Variants in NAP1L4 observed in about 807,000 individuals in gnomAD.
NAP1L4 encodes the protein nucleosome assembly protein 1-like 4.
In NAP1L4, 15 loss-of-function variants were observed where a neutral mutation model predicts 58.2. That is an observed-to-expected ratio of 0.26 (90% CI 0.17 to 0.40). The LOEUF (loss-of-function observed/expected upper bound fraction) is 0.40. NAP1L4 is among the 10% of genes least tolerant of loss of function. NAP1L4 has a pLI of 1.00. For synonymous variants in NAP1L4, 171 were observed against 155.6 expected, an observed-to-expected ratio of 1.10 and a Z score of -0.74; for missense variants, 384 against 451.1, an observed-to-expected ratio of 0.85 and a Z score of 1.35.
At position 2,946,714 on chromosome 11, in the gene NAP1L4, C is replaced by G. The variant is rs1845957089; in HGVS notation, c.*33-1068G>C. 6.6e-6 allele frequency among the ~76,000 whole-genome samples: 1 copy of G among 152,170 alleles called. No homozygotes were observed. Among genetic ancestry groups the G allele is most frequent in the South Asian group, 2.1e-4 (1 of 4,832 alleles). On this transcript the variant is annotated intron_variant, in intron 15 of 15. Transcript: ENST00000380542. The surrounding 1 kb of genome is among the most constrained non-coding windows in gnomAD (Gnocchi z 4.8). ...ATATGCAAAAAACAAAATCAATAAC[C>G]TTGAACCCTGGTGTCTAAGCTCCCA...
rs774272064 is a variant in NAP1L4 at position 2,958,419 on chromosome 11, T to G, written c.872A>C (p.Asn291Thr). The G allele has an allele frequency of 2.5e-6, 4 of 1,613,930 alleles. No individual in the cohort carries two copies. The highest frequency in any genetic ancestry group is 1.1e-5 in the South Asian group (1 of 91,000). ...TKQVPNESFF[N>T]FFNPLKASGD... The stretch of plus-strand genomic sequence containing the variant: ...CTTGCCTTTCAATGGATTGAAGAAG[T>G]TGAAAAAGGACTCATTGGGTACTTG... Residue 291 changes from asparagine (N) to threonine (T), a missense_variant, in exon 10 of 16, where the codon AAC becomes ACC. By Grantham distance (65) the Asn-to-Thr change is moderately conservative. Transcript: ENST00000380542.
chr11:2,991,866 G>C (rs1019191406), intron 1 of NAP1L4: 2 of 152,252 alleles, frequency 1.3e-5, no homozygotes, highest in African/African-American at 4.8e-5. Flanking sequence ...ACGCGGGGCG[G>C]GCTGGGCTAG....
At chr11:2,981,276 G>A (rs1048139282) in intron 1 of NAP1L4, among the ~76,000 whole-genome samples, 5 of 151,014 alleles carry the variant, frequency 3.3e-5, no homozygotes, top group South Asian at 2.1e-4. Flanking sequence ...TGGACACAGC[G>A]GCTGATACCT....
intron 3 of NAP1L4, among the ~76,000 whole-genome samples, chr11:2,976,362 TAG>T (rs1847961529): frequency 6.6e-6 from 1 of 152,162 alleles, no homozygotes; most frequent in African/African-American, 2.4e-5. Context: ...AATAAACACC[TAG>T]AGAGTCCTGG....
rs138196910 is a variant in NAP1L4 at position 2,980,144 on chromosome 11, G to T, written c.-17-907C>A. Reference sequence around the variant, plus strand: ...ACTGAATATTAAGGGTGTGTTCTAGGGCATTTACTTCTTAAATAGAAGAAC... The same window carrying T: ...ACTGAATATTAAGGGTGTGTTCTAGTGCATTTACTTCTTAAATAGAAGAAC... On this transcript the variant is annotated intron_variant, in intron 1 of 15. Coordinates refer to ENST00000380542, the MANE Select transcript of NAP1L4 (RefSeq NM_005969.4). Among the ~76,000 whole-genome samples, 8 of 152,160 alleles carry T rather than the reference G, an allele frequency of 5.3e-5. No individual in the cohort carries two copies. In the East Asian group the frequency reaches 1.3e-3, roughly 26 times the overall value.
At chr11:2,981,196 C>T (rs965265641) in intron 1 of NAP1L4, among the ~76,000 whole-genome samples, 2 of 151,294 alleles carry the variant, frequency 1.3e-5, no homozygotes, top group Non-Finnish European at 2.9e-5. Context: ...TGAAATAACA[C>T]CACTGCACTC....
chr11:2,958,617 A>G, intron 9 of NAP1L4, 73 bp from the exon 10 acceptor site: 1 of 1,482,150 alleles, frequency 6.7e-7, no homozygotes, highest in Non-Finnish European at 9.2e-7. Flanking sequence ...TGCAGGAAGC[A>G]AACCACAGCT....
chr11:2,987,484 G>C (rs1031891692), intron 1 of NAP1L4, among the ~76,000 whole-genome samples: 1 of 151,140 alleles, frequency 6.6e-6, no homozygotes, highest in Non-Finnish European at 1.5e-5. Context: ...GGCTGGGCAC[G>C]GTGGCTCACG....
At position 2,959,697 on chromosome 11, in the gene NAP1L4, T is replaced by C; in HGVS notation, c.746+73A>G. ...GACTGTACTTTATTCCTTACTTCTA[T>C]CTTACCCATCAAGTTACAAAATTAT... On this transcript the variant is annotated intron_variant, in intron 9 of 15. Transcript: ENST00000380542. The surrounding 1 kb of genome is among the most constrained non-coding windows in gnomAD (Gnocchi z 4.9). 2 of 1,560,656 alleles carry C rather than the reference T, an allele frequency of 1.3e-6. No homozygotes were observed. The highest frequency in any genetic ancestry group is 1.8e-6 in the Non-Finnish European group (2 of 1,139,042).
chr11:2,971,058 C>T lies in NAP1L4; in HGVS notation c.402+390G>A, dbSNP rs936414794. 6.6e-6 allele frequency among the ~76,000 whole-genome samples: 1 copy of T among 152,210 alleles called. No homozygotes were observed. Among genetic ancestry groups the T allele is most frequent in the African/African-American group, 2.4e-5 (1 of 41,462 alleles). On this transcript the variant is annotated intron_variant, in intron 6 of 15. Transcript: ENST00000380542. This position sits in a 1 kb window ranked among gnomAD's most constrained non-coding sequence, Gnocchi z 4.2. ...ATCTGCAACCAATCCACTGGCGGAG[C>T]ACCTCTCAGGGGGCAAGCTAGTCCA...
intron 1 of NAP1L4, chr11:2,990,574 C>T (rs1450212396): frequency 6.6e-6 from 1 of 152,224 alleles, no homozygotes; most frequent in African/African-American, 2.4e-5. Context: ...ACCTCGTAAG[C>T]TAGAGTTCAG....
In NAP1L4 at chr11:2,948,830, C is replaced by A. The variant is rs918830384; in HGVS notation, c.*32+397G>T. Among the ~76,000 whole-genome samples the A allele has an allele frequency of 6.6e-6, 1 of 152,226 alleles. No homozygotes were observed. Among genetic ancestry groups the A allele is most frequent in the Non-Finnish European group, 1.5e-5 (1 of 68,044 alleles). ...GGTAATGACAGTGGGCCAATTTCAA[C>A]TGCCAGTGTGTGTTCTGAGCACAGC... On this transcript the variant is annotated intron_variant, in intron 15 of 15. Coordinates refer to ENST00000380542, the MANE Select transcript of NAP1L4 (RefSeq NM_005969.4). The surrounding 1 kb of genome is among the most constrained non-coding windows in gnomAD (Gnocchi z 5.1).
intron 7 of NAP1L4, among the ~76,000 whole-genome samples, chr11:2,965,208 G>C (rs996350259): frequency 6.6e-6 from 1 of 152,232 alleles, no homozygotes; most frequent in Non-Finnish European, 1.5e-5. Flanking sequence ...TTCCCCACCT[G>C]TGGCAATAAA....
chr11:2,958,007 C>T (rs1393807979), intron 10 of NAP1L4, among the ~76,000 whole-genome samples: 2 of 152,162 alleles, frequency 1.3e-5, no homozygotes, highest in Non-Finnish European at 2.9e-5. Flanking sequence ...CCGGGGGGTG[C>T]GAACCAGACA....
At chr11:2,972,660 G>A (rs1055342387) in intron 4 of NAP1L4, among the ~76,000 whole-genome samples, 1 of 152,190 alleles carries the variant, frequency 6.6e-6, no homozygotes, top group South Asian at 2.1e-4. Context: ...TTTGGACCCA[G>A]TAATTCTATT....
At position 2,954,236 on chromosome 11, in the gene NAP1L4, G is replaced by C. The variant is rs1418622873; in HGVS notation, c.1035+291C>G. 16 of 473,866 alleles carry C rather than the reference G, an allele frequency of 3.4e-5. No individual in the cohort carries two copies. The East Asian group carries it at 6.1e-4, about 18-fold the overall frequency. The allele number at this position is 473,866 out of a possible 1,614,324, so 29.4% of individuals were successfully genotyped here. A position where few individuals can be genotyped will look rare whatever the true frequency, so the allele number is the denominator to read the frequency against. ...TCCCTGTGTTCACAAGTTCCCTGAA[G>C]CTTAGGTTTTGAGAGAATATTGTTG... On this transcript the variant is annotated intron_variant, in intron 12 of 15. Transcript: ENST00000380542. This position sits in a 1 kb window ranked among gnomAD's most constrained non-coding sequence, Gnocchi z 4.8.
At chr11:2,981,688 A>G (rs12420535) in intron 1 of NAP1L4, 43,610 of 151,824 alleles carry the variant, frequency 0.29, 7,471 homozygotes, top group East Asian at 0.68. Flanking sequence ...TTAGCCGGGC[A>G]TGGTGGCACA....
chr11:2,954,689 A>T lies in NAP1L4; in HGVS notation c.916-43T>A, dbSNP rs1253466260. On this transcript the variant is annotated intron_variant, in intron 11 of 15. Transcript: ENST00000380542. The surrounding 1 kb of genome is among the most constrained non-coding windows in gnomAD (Gnocchi z 4.8). ...ACGTGTTAACTCATTTTAATGGGAT[A>T]AAAACATTCACTTCACCACCCTCAG... 1.9e-6 allele frequency: 3 copies of T among 1,613,410 alleles called. No homozygotes were observed. In the African/African-American group the frequency reaches 4.0e-5, roughly 22 times the overall value.
chr11:2,989,068 TTA>T (rs1242415173), intron 1 of NAP1L4: 2 of 152,360 alleles, frequency 1.3e-5, no homozygotes, highest in East Asian at 3.9e-4. Flanking sequence ...GGGTTTTCCA[TTA>T]CTATATGCTC....
Sources: allele counts gnomAD v4.1 joint callset (sites outside exome capture counted in the v4.1 genomes callset), GRCh38; gene constraint gnomAD v4.1.1; non-coding constraint Gnocchi (gnomAD v3.1); transcripts MANE v1.5; gene names NCBI Gene and HGNC (gene_info 2026-07-23, HGNC 2026-07-21).